ROR2: variants seen among roughly 807,000 people sequenced by gnomAD.
ROR2 encodes the protein tyrosine-protein kinase transmembrane receptor ROR2.
Under a neutral mutation model 74.9 loss-of-function variants are expected in ROR2, and 33 were observed. That is an observed-to-expected ratio of 0.44 (90% CI 0.33 to 0.59). ROR2 has a LOEUF of 0.59. Among genes scored for constraint, ROR2 ranks in the 20% least tolerant of loss-of-function variants. The pLI is 0.02. For synonymous variants in ROR2, 586 were observed against 558.7 expected (o/e 1.05, Z -0.69); for missense variants, 1,216 against 1,313.8 (o/e 0.93, Z 1.15).
chr9:91,724,484 G>A lies in ROR2; in HGVS notation c.2010C>T (p.Ser670=). ...APEAIMYGKF[S]IDSDIWSYGV... ...CGTAGGACCAGATGTCTGAGTCGAT[G>A]GAGAACTTGCCGTACATGATGGCCT... is the stretch of plus-strand genomic sequence containing the variant. Residue 670 remains serine, a synonymous_variant, in exon 9 of 9, where the codon TCC becomes TCT. Transcript: ENST00000375708. 6.2e-7 allele frequency: 1 copy of A among 1,614,230 alleles called. No homozygotes were observed.
At chr9:91,789,561 G>A (rs1191560873) in intron 1 of ROR2, among the ~76,000 whole-genome samples, 6 of 152,060 alleles carry the variant, frequency 3.9e-5, no homozygotes, top group Admixed American at 3.9e-4. Context: ...TCAAAAGAGA[G>A]GGAAGGGAAG....
At chr9:91,776,729 AATTTTACATCAGC>A (rs1459111373) in intron 1 of ROR2, among the ~76,000 whole-genome samples, 1 of 152,180 alleles carries the variant, frequency 6.6e-6, no homozygotes, top group Non-Finnish European at 1.5e-5. Context: ...TTGGATTTGA[AATTTTACATCAGC>A]ACATTACACA....
chr9:91,944,143 A>T (rs1233959664), intron 1 of ROR2, among the ~76,000 whole-genome samples: 1 of 152,196 alleles, frequency 6.6e-6, no homozygotes, highest in Non-Finnish European at 1.5e-5. Context: ...CACCTAGGCT[A>T]TGTGGTGTAG....
chr9:91,805,922 C>G (rs1278791372), intron 1 of ROR2, among the ~76,000 whole-genome samples: 1 of 152,206 alleles, frequency 6.6e-6, no homozygotes, highest in Non-Finnish European at 1.5e-5. Context: ...CAAACTATCA[C>G]CACTCCAGAG....
chr9:91,828,824 C>T (rs995956272), intron 1 of ROR2, among the ~76,000 whole-genome samples: 1 of 152,208 alleles, frequency 6.6e-6, no homozygotes, highest in African/African-American at 2.4e-5. Context: ...ACTGACAAGA[C>T]TTGCTGAGCA....
chr9:91,851,381 A>G (rs1829085903), intron 1 of ROR2, among the ~76,000 whole-genome samples: 2 of 152,018 alleles, frequency 1.3e-5, no homozygotes, highest in South Asian at 4.1e-4. Flanking sequence ...AAGAAAAGAA[A>G]AAGAAAAAAA....
rs566663203 is a variant in ROR2, at chr9:91,802,731, G to A, written c.98-26913C>T. Among the ~76,000 whole-genome samples the A allele has an allele frequency of 9.2e-5, 14 of 152,218 alleles. No individual in the cohort carries two copies. In the South Asian group the frequency reaches 1.0e-3, roughly 11 times the overall value. On this transcript the variant is annotated intron_variant, in intron 1 of 8. Coordinates refer to ENST00000375708, the MANE Select transcript of ROR2 (RefSeq NM_004560.4). The stretch of plus-strand genomic sequence containing the variant: ...TCCAGCCTGCAGTGGCACGAGGTGC[G>A]CAGAAAGCCAAGGTGGAAAGAACGT...
chr9:91,884,631 C>A (rs768522144), intron 1 of ROR2, among the ~76,000 whole-genome samples: 1 of 152,036 alleles, frequency 6.6e-6, no homozygotes, highest in Non-Finnish European at 1.5e-5. Context: ...CCTGATCTGA[C>A]GATATCTGAC....
intron 4 of ROR2, among the ~76,000 whole-genome samples, chr9:91,746,771 C>T (rs1266893582): frequency 1.3e-5 from 2 of 152,204 alleles, no homozygotes; most frequent in Non-Finnish European, 2.9e-5. Context: ...ATAACAGGGC[C>T]ATGGCCCCAG....
At chr9:91,909,823 C>CTTTTTTTTAGGTTTTTTTT (rs1830907506) in intron 1 of ROR2, among the ~76,000 whole-genome samples, 1 of 58,728 alleles carries the variant, frequency 1.7e-5, no homozygotes, top group Non-Finnish European at 3.2e-5. Context: ...AATCTTTATT[C>CTTTTTTTTAGGTTTTTTTT]TTTTTTTTTT....
intron 1 of ROR2, among the ~76,000 whole-genome samples, chr9:91,804,376 C>T (rs1827483953): frequency 6.6e-6 from 1 of 152,320 alleles, no homozygotes; most frequent in South Asian, 2.1e-4. Context: ...GCCAGCCCCA[C>T]AGCTGCCAAG....
chr9:91,750,110 C>A (rs1484499924), intron 4 of ROR2, among the ~76,000 whole-genome samples: 1 of 152,128 alleles, frequency 6.6e-6, no homozygotes, highest in Non-Finnish European at 1.5e-5. Context: ...CGATGTTGGC[C>A]AGGCTGGTCT....
At chr9:91,786,147 CCT>C (rs1826790111) in intron 1 of ROR2, among the ~76,000 whole-genome samples, 2 of 118,070 alleles carry the variant, frequency 1.7e-5, no homozygotes, top group South Asian at 5.9e-4. Context: ...ATACGGAAAC[CCT>C]GTTTCTACCA....
At chr9:91,730,001 G>C (rs986378483) in intron 7 of ROR2, among the ~76,000 whole-genome samples, 2 of 152,176 alleles carry the variant, frequency 1.3e-5, no homozygotes, top group South Asian at 4.1e-4. Flanking sequence ...TTGTTGCCTA[G>C]ACTGGAGCGT....
chr9:91,771,205 T>C (rs1195454906), intron 2 of ROR2, among the ~76,000 whole-genome samples: 1 of 152,142 alleles, frequency 6.6e-6, no homozygotes, highest in Admixed American at 6.5e-5. Context: ...GCAGCTCTTC[T>C]CTGAAGTCGA....
chr9:91,926,543 C>CAAAAAAAAAAA (rs34550588), intron 1 of ROR2, among the ~76,000 whole-genome samples: 149 of 100,866 alleles, frequency 1.5e-3, no homozygotes, highest in Non-Finnish European at 2.0e-3. Context: ...GACTCCATCT[C>CAAAAAAAAAAA]AAAAAAAAAA....
chr9:91,948,501 G>T, intron 1 of ROR2: 1 of 897,384 alleles, frequency 1.1e-6, no homozygotes, highest in Non-Finnish European at 1.3e-6. Flanking sequence ...ATAAACGCAA[G>T]CTCCCTTCCC....
intron 7 of ROR2, among the ~76,000 whole-genome samples, chr9:91,727,728 T>C (rs2118655000): frequency 6.6e-6 from 1 of 152,166 alleles, no homozygotes. Context: ...ATATCAGACT[T>C]AGAGGGCCCC....
chr9:91,943,433 C>T lies in ROR2; in HGVS notation c.97+6434G>A, dbSNP rs540051327. Among the ~76,000 whole-genome samples, 286 of 152,164 alleles carry T rather than the reference C, an allele frequency of 1.9e-3. 2 individuals are homozygous for T. The highest frequency in any genetic ancestry group is 6.3e-3 in the African/African-American group (263 of 41,532). On this transcript the variant is annotated intron_variant, in intron 1 of 8. Transcript: ENST00000375708. ...AAAGCATGAGTTACACTGATACCTC[C>T]AATTCCAATTCAACCCCTCCAGATT...
Sources: gnomAD v4.1 joint callset for allele counts (sites outside exome capture counted in the v4.1 genomes callset) on GRCh38, gnomAD v4.1.1 for gene constraint, MANE v1.5 for transcripts, NCBI Gene and HGNC (gene_info 2026-07-23, HGNC 2026-07-21) for gene names.